The following TMEM74 variants were observed in gnomAD, a reference collection of about 807,000 sequenced individuals.
The protein encoded by TMEM74 is transmembrane protein 74.
Under a neutral mutation model 18.1 loss-of-function variants are expected in TMEM74, and 13 were observed. The ratio of observed to expected loss-of-function variants is 0.72; its 90% CI spans 0.47 to 1.14. The LOEUF (loss-of-function observed/expected upper bound fraction) is 1.14, where lower values mean the gene tolerates loss of function less well. Among genes scored for constraint, TMEM74 ranks in the 50% most tolerant of loss-of-function variants. TMEM74 has a pLI of 0.00. For synonymous variants in TMEM74, 159 were observed against 146.6 expected (o/e 1.08, Z -0.61); for missense variants, 372 against 375.9 (o/e 0.99, Z 0.09).
At chr8:108,729,604 T>C (rs1310805565) in intron 1 of TMEM74, among the ~76,000 whole-genome samples, 2 of 152,248 alleles carry the variant, frequency 1.3e-5, no homozygotes, top group Non-Finnish European at 2.9e-5. Flanking sequence ...TATAAAACTA[T>C]GCTTTGTCTA....
chr8:108,651,852 T>C (rs756531118), intron 2 of TMEM74, among the ~76,000 whole-genome samples: 8 of 152,096 alleles, frequency 5.3e-5, no homozygotes, highest in Non-Finnish European at 8.8e-5. Context: ...TCCCCATTGT[T>C]ATACACAGAA....
At chr8:108,648,298 A>G (rs935460891) in intron 2 of TMEM74, among the ~76,000 whole-genome samples, 2 of 152,080 alleles carry the variant, frequency 1.3e-5, no homozygotes, top group East Asian at 1.9e-4. Flanking sequence ...GCCTGAGACC[A>G]CTATGTTTTT....
chr8:108,621,395 G>T (rs3019383), intron 2 of TMEM74, among the ~76,000 whole-genome samples: 32,018 of 152,132 alleles, frequency 0.21, 3,418 homozygotes, highest in East Asian at 0.27. Flanking sequence ...GTTCTAGGTT[G>T]TGCCTGTCTT....
Position 108,717,521 on chromosome 8 carries a change from T to C in TMEM74, n.120-62084A>G, listed in dbSNP as rs77389815. ...TGGGAGAGTCAGATAACCTGAAAAA[T>C]GTCAGTTATGTAGTATATTAGAGCT... On this transcript the variant is annotated intron_variant and non_coding_transcript_variant, in intron 1 of 3. Coordinates refer to the TMEM74 transcript ENST00000518838. Among the ~76,000 whole-genome samples, 7 of 152,188 alleles carry C rather than the reference T, an allele frequency of 4.6e-5. No individual in the cohort carries two copies. In the East Asian group the frequency reaches 1.4e-3, roughly 29 times the overall value.
At chr8:108,630,457 C>T (rs560205007) in intron 2 of TMEM74, among the ~76,000 whole-genome samples, 12 of 152,168 alleles carry the variant, frequency 7.9e-5, no homozygotes, top group African/African-American at 2.9e-4. Context: ...AGGACTTGAA[C>T]TCAGCTATGG....
chr8:108,643,321 A>AGTATCCTT (rs1339697859), intron 2 of TMEM74, among the ~76,000 whole-genome samples: 3 of 152,184 alleles, frequency 2.0e-5, no homozygotes, highest in African/African-American at 7.2e-5. Flanking sequence ...TGCTGGTCCA[A>AGTATCCTT]GGATAACACT....
At chr8:108,635,814 T>C (rs1415677298) in intron 2 of TMEM74, among the ~76,000 whole-genome samples, 1 of 152,072 alleles carries the variant, frequency 6.6e-6, no homozygotes, top group Non-Finnish European at 1.5e-5. Context: ...TTGTCTTGCA[T>C]TGTTCTTGAA....
intron 1 of TMEM74, among the ~76,000 whole-genome samples, chr8:108,756,595 A>G (rs528125802): frequency 4.6e-5 from 4 of 86,140 alleles, no homozygotes; most frequent in Non-Finnish European, 8.9e-5. Flanking sequence ...AAAGAAAGAA[A>G]GAGAAAGGAA....
intron 1 of TMEM74, among the ~76,000 whole-genome samples, chr8:108,744,266 C>T (rs1813828214): frequency 6.6e-6 from 1 of 152,010 alleles, no homozygotes; most frequent in African/African-American, 2.4e-5. Context: ...ATTTTCCCTA[C>T]TCAAAATAAC....
At chr8:108,739,297 A>C (rs1411503070) in intron 1 of TMEM74, among the ~76,000 whole-genome samples, 1 of 152,240 alleles carries the variant, frequency 6.6e-6, no homozygotes, top group East Asian at 1.9e-4. Flanking sequence ...TGAAGGAAGA[A>C]AGTGGGGGCA....
chr8:108,609,538 C>T (rs1260768569), intron 2 of TMEM74, among the ~76,000 whole-genome samples: 1 of 152,020 alleles, frequency 6.6e-6, no homozygotes, highest in African/African-American at 2.4e-5. Context: ...ATCTCAGCTA[C>T]TGGGGAGGCT....
chr8:108,764,183 C>T (rs1814076220), intron 1 of TMEM74, among the ~76,000 whole-genome samples: 1 of 152,060 alleles, frequency 6.6e-6, no homozygotes, highest in Non-Finnish European at 1.5e-5. Context: ...ATGGCAGATT[C>T]AGTCTAATTT....
At chr8:108,655,654 G>T (rs932410429) in intron 1 of TMEM74, among the ~76,000 whole-genome samples, 3 of 152,022 alleles carry the variant, frequency 2.0e-5, no homozygotes, top group Admixed American at 6.6e-5. Flanking sequence ...TTTCTTCTTG[G>T]CTCAATTCCC....
intron 1 of TMEM74, among the ~76,000 whole-genome samples, chr8:108,765,300 T>C (rs1466166502): frequency 1.3e-5 from 2 of 151,992 alleles, no homozygotes; most frequent in Non-Finnish European, 2.9e-5. Context: ...GAATTTTTAG[T>C]CAAGATTCTG....
At position 108,680,525 on chromosome 8, in the gene TMEM74, T is replaced by C. The variant is rs573222175; in HGVS notation, n.120-25088A>G. Among the ~76,000 whole-genome samples the C allele has an allele frequency of 1.6e-3, 241 of 152,246 alleles. 1 individual carries two copies. Among genetic ancestry groups the C allele is most frequent in the Non-Finnish European group, 3.1e-3 (213 of 68,018 alleles). ...ACTGATGGGATGTATCTCAAAATAA[T>C]AAGAGCTATCTATGACAAACCCACA... On this transcript the variant is annotated intron_variant and non_coding_transcript_variant, in intron 1 of 3. Transcript: ENST00000518838.
At chr8:108,609,629 C>T (rs1193761168) in intron 2 of TMEM74, among the ~76,000 whole-genome samples, 1 of 151,782 alleles carries the variant, frequency 6.6e-6, no homozygotes, top group African/African-American at 2.4e-5. Context: ...GCCTGGGTGA[C>T]AGAGCAAGAA....
intron 1 of TMEM74, among the ~76,000 whole-genome samples, chr8:108,763,677 A>T (rs1426678204): frequency 6.6e-6 from 1 of 152,094 alleles, no homozygotes. Flanking sequence ...TGTGCAAGGC[A>T]CCTCTCTAGT....
chr8:108,677,371 T>C (rs991801643), intron 1 of TMEM74, among the ~76,000 whole-genome samples: 1 of 152,198 alleles, frequency 6.6e-6, no homozygotes, highest in African/African-American at 2.4e-5. Context: ...ATAAAATATA[T>C]TATTTTCAAA....
chr8:108,740,072 G>A (rs549518901), intron 1 of TMEM74, among the ~76,000 whole-genome samples: 3 of 152,112 alleles, frequency 2.0e-5, no homozygotes, highest in African/African-American at 4.8e-5. Flanking sequence ...TAAGGTACAT[G>A]TTCTGCTACT....
Sources: allele counts gnomAD v4.1 joint callset (sites outside exome capture counted in the v4.1 genomes callset), GRCh38; gene constraint gnomAD v4.1.1; transcripts MANE v1.5; gene names NCBI Gene and HGNC (gene_info 2026-07-23, HGNC 2026-07-21).